The following ANKRD12 variants were observed in gnomAD, a reference collection of about 807,000 sequenced individuals.
ANKRD12 encodes ankyrin repeat domain 12.
Under a neutral mutation model 183.4 loss-of-function variants are expected in ANKRD12, and 85 were observed. The ratio of observed to expected loss-of-function variants is 0.46; its 90% CI spans 0.39 to 0.56. The LOEUF is 0.56. ANKRD12 is among the 20% of genes least tolerant of loss of function. The pLI is 0.00. For missense variants in ANKRD12, 2,405 were observed against 2,357.1 expected (o/e 1.02, Z -0.42); for synonymous variants, 914 against 800.2 (o/e 1.14, Z -2.40).
chr18:9,169,667 A>G (rs965080095), intron 1 of ANKRD12, among the ~76,000 whole-genome samples: 8 of 152,190 alleles, frequency 5.3e-5, no homozygotes, highest in African/African-American at 9.6e-5. Context: ...TCTTTATCCA[A>G]TTTGCCAGTC....
chr18:9,259,000 C>T lies in ANKRD12; in HGVS notation c.5664+69C>T, dbSNP rs541616280. On this transcript the variant is annotated intron_variant, in intron 9 of 12. Transcript: ENST00000262126. ...ATAGAAGTATAATGCTAGCCACATA[C>T]GTAATTTGAAGTTTTCTAGTAGATA... 8.6e-5 allele frequency: 125 copies of T among 1,459,504 alleles called. No individual in the cohort carries two copies. In the East Asian group the frequency reaches 2.7e-3, roughly 31 times the overall value. 90.4% of individuals were successfully genotyped at this position (1,459,504 alleles called of 1,614,324 possible).
chr18:9,173,057 G>A (rs1333017597), intron 1 of ANKRD12, among the ~76,000 whole-genome samples: 2 of 149,310 alleles, frequency 1.3e-5, no homozygotes, highest in Admixed American at 1.3e-4. Flanking sequence ...CTGCCCAGCT[G>A]AGGTTGCTGA....
chr18:9,280,618 A>G (rs1016873271), intron 12 of ANKRD12, among the ~76,000 whole-genome samples: 23 of 152,100 alleles, frequency 1.5e-4, no homozygotes, highest in African/African-American at 4.3e-4. Flanking sequence ...GTGAAACCCC[A>G]TCTCTAAGAA....
At chr18:9,237,629 G>C (rs560949542) in intron 8 of ANKRD12, among the ~76,000 whole-genome samples, 2 of 152,236 alleles carry the variant, frequency 1.3e-5, no homozygotes, top group East Asian at 1.9e-4. Context: ...GTATTGTTGA[G>C]TTCAAAAAAT....
chr18:9,254,237 C>G lies in ANKRD12; in HGVS notation c.970C>G (p.Pro324Ala). 2 of 1,575,906 alleles carry G rather than the reference C, an allele frequency of 1.3e-6. No homozygotes were observed. The highest frequency in any genetic ancestry group is 1.7e-6 in the Non-Finnish European group (2 of 1,165,334). ...TDSEEAQSVN[P>A]SSVDENIDSE... ...TTCCGAAGAGGCTCAATCTGTAAAT[C>G]CTTCTAGTGTTGATGAAAATATTGA... Residue 324 changes from proline to alanine, a missense_variant, in exon 9 of 13, where the codon CCT becomes GCT. This residue lies in a region of ANKRD12 where 1,983 missense variants were observed against 1,725.9 expected (regional missense o/e 1.15). Transcript: ENST00000262126.
intron 10 of ANKRD12, among the ~76,000 whole-genome samples, chr18:9,270,055 A>G (rs1356425124): frequency 6.6e-6 from 1 of 152,200 alleles, no homozygotes; most frequent in Non-Finnish European, 1.5e-5. Context: ...AATCAAAACC[A>G]CAATGAGATA....
At chr18:9,261,356 AC>A (rs2038955667) in intron 9 of ANKRD12, among the ~76,000 whole-genome samples, 1 of 152,226 alleles carries the variant, frequency 6.6e-6, no homozygotes, top group South Asian at 2.1e-4. Context: ...TGCAGAACTT[AC>A]CAGAACCTTT....
intron 10 of ANKRD12, among the ~76,000 whole-genome samples, chr18:9,269,242 C>T (rs996582095): frequency 1.3e-5 from 2 of 152,196 alleles, no homozygotes; most frequent in Non-Finnish European, 2.9e-5. Context: ...CTACCAATGA[C>T]TTTCTTCACA....
At chr18:9,259,382 CAT>C (rs774890694) in intron 9 of ANKRD12, 4 of 154,448 alleles carry the variant, frequency 2.6e-5, no homozygotes, top group Admixed American at 6.4e-5. Flanking sequence ...TGTTTAACAA[CAT>C]AAACACATTT....
In ANKRD12 at chr18:9,267,402, A is replaced by G. The variant is rs1043591419; in HGVS notation, c.5763+3514A>G. Reference sequence around the variant, plus strand: ...CACTCCTCAGGAAATGTGAAAGAACAGAAATTATAACAAACTGTCTCTCAG... The same window carrying G: ...CACTCCTCAGGAAATGTGAAAGAACGGAAATTATAACAAACTGTCTCTCAG... On this transcript the variant is annotated intron_variant, in intron 10 of 12. Transcript: ENST00000262126. Among the ~76,000 whole-genome samples, 5 of 152,238 alleles carry G rather than the reference A, an allele frequency of 3.3e-5. No homozygotes were observed. The South Asian group carries it at 6.2e-4, about 19-fold the overall frequency.
chr18:9,241,937 A>C (rs1273279774), intron 8 of ANKRD12, among the ~76,000 whole-genome samples: 1 of 151,066 alleles, frequency 6.6e-6, no homozygotes, highest in Non-Finnish European at 1.5e-5. Context: ...TGTTACCTAG[A>C]GGAAAAAAGG....
At position 9,258,946 on chromosome 18, in the gene ANKRD12, C is replaced by G; in HGVS notation, c.5664+15C>G. Reference sequence around the variant, plus strand: ...GTATTCCCACAGTAAGTAACATCATCACTTGCTATACACCTGTAACACTGC... The same window carrying G: ...GTATTCCCACAGTAAGTAACATCATGACTTGCTATACACCTGTAACACTGC... On this transcript the variant is annotated intron_variant, in intron 9 of 12. Transcript: ENST00000262126. 6.3e-7 allele frequency: 1 copy of G among 1,587,850 alleles called. No individual in the cohort carries two copies. Among genetic ancestry groups the G allele is most frequent in the Non-Finnish European group, 8.6e-7 (1 of 1,167,024 alleles).
At chr18:9,259,056 G>GT in intron 9 of ANKRD12, 125 bp downstream of exon 9, 1 of 1,127,946 alleles carries the variant, frequency 8.9e-7, no homozygotes, top group South Asian at 1.9e-5. Context: ...CTGTCAGTGA[G>GT]TCGAGATATA....
rs756659112 is a variant in ANKRD12 at position 9,256,021 on chromosome 18, A to G, written c.2754A>G (p.Lys918=). Residue 918 remains lysine, a synonymous_variant, in exon 9 of 13, where the codon AAA becomes AAG. Coordinates refer to ENST00000262126, the MANE Select transcript of ANKRD12 (RefSeq NM_015208.5). ...DRKHDKEKPE[K]ERHLAESKEK... ...AACATGACAAAGAAAAGCCTGAAAA[A>G]GAGAGGCATCTAGCAGAAAGCAAAG... 5.8e-6 allele frequency: 9 copies of G among 1,562,416 alleles called. No individual in the cohort carries two copies. The highest frequency in any genetic ancestry group is 6.9e-6 in the Non-Finnish European group (8 of 1,162,786).
chr18:9,148,261 G>A (rs2078558864), intron 1 of ANKRD12, among the ~76,000 whole-genome samples: 1 of 151,990 alleles, frequency 6.6e-6, no homozygotes, highest in South Asian at 2.1e-4. Flanking sequence ...CCTCTCAATT[G>A]CAGATGAATA....
rs543206635 is a variant in ANKRD12, at chr18:9,150,359, C to T, written c.-52+13394C>T. ...ACTTCCTCTTGAGTTCTACCCAGAA[C>T]GCTGTAGGACTCCAGAGGAAACCAA... is the stretch of plus-strand genomic sequence containing the variant. On this transcript the variant is annotated intron_variant, in intron 1 of 12. Coordinates refer to ENST00000262126, the MANE Select transcript of ANKRD12 (RefSeq NM_015208.5). Among the ~76,000 whole-genome samples the T allele has an allele frequency of 9.2e-5, 14 of 152,218 alleles. No homozygotes were observed. In the East Asian group the frequency reaches 1.4e-3, roughly 15 times the overall value.
chr18:9,246,117 T>C (rs925679329), intron 8 of ANKRD12, among the ~76,000 whole-genome samples: 8 of 152,224 alleles, frequency 5.3e-5, no homozygotes, highest in Non-Finnish European at 8.8e-5. Flanking sequence ...TTTAACCTTT[T>C]ACTAATGCTT....
intron 8 of ANKRD12, 149 bp from the exon 9 acceptor site, chr18:9,254,062 T>C: frequency 1.1e-6 from 1 of 936,576 alleles, no homozygotes; most frequent in Non-Finnish European, 1.4e-6. Context: ...CACATTGCTA[T>C]TACATTATTT....
rs200255172 is a variant in ANKRD12, at chr18:9,208,813, A to G, written c.451+10A>G. On this transcript the variant is annotated intron_variant, in intron 5 of 12. Coordinates refer to ENST00000262126, the MANE Select transcript of ANKRD12 (RefSeq NM_015208.5). Reference sequence around the variant, plus strand: ...AGAGACAACAGTCCAGGTGATACCTACCATCATTGAGTTAATGTGTATCCC... The same window carrying G: ...AGAGACAACAGTCCAGGTGATACCTGCCATCATTGAGTTAATGTGTATCCC... 3.6e-5 allele frequency: 56 copies of G among 1,540,416 alleles called. 1 individual carries two copies. In the South Asian group the frequency reaches 6.9e-4, roughly 19 times the overall value.
Sources: allele counts gnomAD v4.1 joint callset (sites outside exome capture counted in the v4.1 genomes callset), GRCh38; gene constraint gnomAD v4.1.1; regional missense constraint gnomAD v4.1.1; transcripts MANE v1.5; gene names NCBI Gene and HGNC (gene_info 2026-07-23, HGNC 2026-07-21).